Variants in TONSL observed in about 807,000 individuals in gnomAD.
TONSL encodes the protein tonsoku-like protein.
Under a neutral mutation model 147.1 loss-of-function variants are expected in TONSL, and 112 were observed. That is an observed-to-expected ratio of 0.76 (90% CI 0.65 to 0.89). The LOEUF is 0.89. Ranked by LOEUF, TONSL falls within the 40% of genes least tolerant of loss-of-function variation. The pLI is 0.00. For missense variants in TONSL, 1,883 were observed against 1,864.6 expected, an observed-to-expected ratio of 1.01 and a Z score of -0.18; for synonymous variants, 868 against 801.5, an observed-to-expected ratio of 1.08 and a Z score of -1.40.
At chr8:144,444,145 G>A (rs1823823345) in intron 2 of TONSL, 35 bp downstream of exon 2, 2 of 1,375,996 alleles carry the variant, frequency 1.5e-6, no homozygotes, top group Non-Finnish European at 9.4e-7. Flanking sequence ...CCCGGGCCCC[G>A]GCCCTGCCTC....
At chr8:144,438,247 G>A (rs1049186259) in intron 13 of TONSL, 1 of 593,332 alleles carries the variant, frequency 1.7e-6, no homozygotes, top group African/African-American at 1.9e-5. Flanking sequence ...GTGTTGCCCA[G>A]GCTGGAGTGC....
rs753489114 is a variant in TONSL, at chr8:144,442,694, C to T, written c.561G>A (p.Lys187=). 1 of 1,612,840 alleles carries T rather than the reference C, an allele frequency of 6.2e-7. No individual in the cohort carries two copies. The highest frequency in any genetic ancestry group is 1.7e-4 in the Middle Eastern group (1 of 6,058). ...GGCCTTACTCCGCAAGGAAGATGCT[C>T]TTCCTGAAGTAATCGTTGCACAGGG... ...QTALCNDYFR[K]SIFLAEQNHL... is the part of the protein sequence containing the mutation. The change falls in exon 5 of 26, where the codon AAG becomes AAA. Residue 187 remains lysine (K), a synonymous_variant. Coordinates refer to ENST00000409379, the MANE Select transcript of TONSL (RefSeq NM_013432.5).
At position 144,441,047 on chromosome 8, in the gene TONSL, G is replaced by A; in HGVS notation, c.930C>T (p.Ala310=). 1 of 1,613,016 alleles carries A rather than the reference G, an allele frequency of 6.2e-7. No homozygotes were observed. Residue 310 remains alanine (A), a synonymous_variant, in exon 8 of 26, where the codon GCC becomes GCT. Coordinates refer to ENST00000409379, the MANE Select transcript of TONSL (RefSeq NM_013432.5). The stretch of plus-strand genomic sequence containing the variant: ...CCCCTAGCTGCTCACAGATGACCAT[G>A]GCACCCTGAGGGTCTCTGCCCTCAG... The part of the protein sequence containing the change: ...EEAEGRDPQG[A]MVICEQLGDL...
In TONSL at chr8:144,440,754, C is replaced by T; in HGVS notation, c.1128G>A (p.Glu376=). ...TGCCGCTGCGCAGCCTCAGTTCCTC[C>T]TCATAGTGGCGCACGGCCCCATGGT... ...KDHHGAVRHY[E]EELRLRSGNV... The change falls in exon 9 of 26, where the codon GAG becomes GAA. Residue 376 remains glutamate (E), a synonymous_variant. Coordinates refer to ENST00000409379, the MANE Select transcript of TONSL (RefSeq NM_013432.5). 1 of 1,612,908 alleles carries T rather than the reference C, an allele frequency of 6.2e-7. No homozygotes were observed. The highest frequency in any genetic ancestry group is 8.5e-7 in the Non-Finnish European group (1 of 1,179,974).
Position 144,443,323 on chromosome 8 carries a change from T to C in TONSL, c.265-2A>G, listed in dbSNP as rs1347696189. 8 of 1,547,456 alleles carry C rather than the reference T, an allele frequency of 5.2e-6. No homozygotes were observed. Among genetic ancestry groups the C allele is most frequent in the Admixed American group, 3.9e-5 (2 of 50,956 alleles). ...CAGCTCCAGGTACTGGTGCTGGTGC[T>C]GAGTGTGGAAGGAAGTCACTGCTGT... is the stretch of plus-strand genomic sequence containing the variant. On this transcript the variant is annotated splice_acceptor_variant, in intron 3 of 25. Transcript: ENST00000409379. LOFTEE classifies it high-confidence loss of function.
At chr8:144,432,654 C>T (rs1823257923) in intron 22 of TONSL, 194 bp from the exon 23 acceptor site, 2 of 532,714 alleles carry the variant, frequency 3.8e-6, no homozygotes, top group Non-Finnish European at 6.3e-6. Context: ...GACTTCCAAG[C>T]TCGGCTGCCC....
intron 3 of TONSL, 113 bp downstream of exon 3, chr8:144,443,769 G>T: frequency 7.0e-7 from 1 of 1,426,422 alleles, no homozygotes; most frequent in Non-Finnish European, 9.4e-7. Context: ...GCTGCGTCAG[G>T]TCAGGTGTCC....
In TONSL at chr8:144,440,373, T is replaced by G; in HGVS notation, c.1268A>C (p.Gln423Pro). ...CFQKALSCAQQAQRPQLQRQV... is the reference protein window; with the variant it reads ...CFQKALSCAQPAQRPQLQRQV... ...CACCTGCAGCTGGGGACGCTGGGCCTGCTGGGCACAGCTGAGCGCTTTCTG... is the reference window on the plus strand; with the variant it reads ...CACCTGCAGCTGGGGACGCTGGGCCGGCTGGGCACAGCTGAGCGCTTTCTG... The change falls in exon 10 of 26, where the codon CAG (glutamine) becomes CCG (proline). Residue 423 changes from glutamine to proline, a missense_variant. Coordinates refer to ENST00000409379, the MANE Select transcript of TONSL (RefSeq NM_013432.5). 1 of 1,600,742 alleles carries G rather than the reference T, an allele frequency of 6.2e-7. No individual in the cohort carries two copies. The highest frequency in any genetic ancestry group is 8.5e-7 in the Non-Finnish European group (1 of 1,171,688).
In TONSL at chr8:144,433,597, C is replaced by T. The variant is rs1554879198; in HGVS notation, c.3550G>A (p.Ala1184Thr). Residue 1184 changes from alanine (A) to threonine (T), a missense_variant, in exon 22 of 26, where the codon GCT (alanine) becomes ACT (threonine). Physicochemically the swap from Ala to Thr is moderately conservative, Grantham distance 58 (BLOSUM62 0). Coordinates refer to ENST00000409379, the MANE Select transcript of TONSL (RefSeq NM_013432.5). Reference protein sequence around the residue: ...FLSHQTALGSAFQDAEHLKTL... With the variant: ...FLSHQTALGSTFQDAEHLKTL... ...TGCCTGGTCAGCTCACCTTGGAAAGCACTACCCAGTGCTGTCTGGTGGCTC... is the reference window on the plus strand; with the variant it reads ...TGCCTGGTCAGCTCACCTTGGAAAGTACTACCCAGTGCTGTCTGGTGGCTC... 1.9e-6 allele frequency: 3 copies of T among 1,613,268 alleles called. No homozygotes were observed. Among genetic ancestry groups the T allele is most frequent in the Non-Finnish European group, 2.5e-6 (3 of 1,179,926 alleles).
rs765463015 is a variant in TONSL at position 144,435,613 on chromosome 8, T to C, written c.2775+45A>G. ...CAGTGGGCTCCACCCTACACCTGCC[T>C]GCCCGGAGTGGGGAGAGGGCTCTGC... On this transcript the variant is annotated intron_variant, in intron 17 of 25. Transcript: ENST00000409379. 6 of 1,575,682 alleles carry C rather than the reference T, an allele frequency of 3.8e-6. No individual in the cohort carries two copies. In the South Asian group the frequency reaches 6.9e-5, roughly 18 times the overall value.
intron 14 of TONSL, 42 bp downstream of exon 14, chr8:144,436,985 T>C: frequency 6.2e-7 from 1 of 1,613,042 alleles, no homozygotes; most frequent in Non-Finnish European, 8.5e-7. Flanking sequence ...TCGCCCCACG[T>C]GTCCACCAAG....
Position 144,438,692 on chromosome 8 carries a change from C to T in TONSL, c.1524G>A (p.Glu508=). ...GCCGGCCCAGGTGGCCCTGAAGCTCCTCGTCCTCCTCCAGCTGCGGGGTCA... is the reference window on the plus strand; with the variant it reads ...GCCGGCCCAGGTGGCCCTGAAGCTCTTCGTCCTCCTCCAGCTGCGGGGTCA... ...DGLTPQLEED[E]ELQGHLGRRK... is the part of the protein sequence containing the mutation. The change falls in exon 12 of 26, where the codon GAG becomes GAA. Residue 508 remains glutamate, a synonymous_variant. Transcript: ENST00000409379. The T allele has an allele frequency of 6.2e-7, 1 of 1,613,314 alleles. No homozygotes were observed. Among genetic ancestry groups the T allele is most frequent in the East Asian group, 2.2e-5 (1 of 44,872 alleles).
chr8:144,434,403 G>A (rs1823347573), intron 20 of TONSL, 124 bp from the exon 21 acceptor site: 14 of 851,944 alleles, frequency 1.6e-5, no homozygotes, highest in South Asian at 4.0e-5. Context: ...TTGCTGTAGA[G>A]CCCACTCGCA....
intron 9 of TONSL, 32 bp from the exon 10 acceptor site, chr8:144,440,508 T>C (rs376251930): frequency 2.4e-5 from 37 of 1,563,326 alleles, no homozygotes; most frequent in Admixed American, 7.4e-5. Flanking sequence ...GGTCGGGGGC[T>C]GCCGCTGTCT....
chr8:144,434,398 G>A, intron 20 of TONSL, 119 bp from the exon 21 acceptor site: 5 of 902,608 alleles, frequency 5.5e-6, no homozygotes, highest in Non-Finnish European at 8.0e-6. Flanking sequence ...CAGACTTGCT[G>A]TAGAGCCCAC....
chr8:144,433,886 G>C, intron 21 of TONSL, 92 bp downstream of exon 21: 1 of 1,466,806 alleles, frequency 6.8e-7, no homozygotes, highest in African/African-American at 1.4e-5. Flanking sequence ...GCACTGGCTG[G>C]CTCTCCCAAC....
chr8:144,436,058 T>TC lies in TONSL; in HGVS notation c.2374_2375insG (p.Tyr792Ter). 1 of 1,573,826 alleles carries TC rather than the reference T, an allele frequency of 6.4e-7. No homozygotes were observed. Among genetic ancestry groups the TC allele is most frequent in the Admixed American group, 1.8e-5 (1 of 56,348 alleles). ...AATASTSRAA[Y>*]QAAIRGVGSA... is the part of the protein sequence containing the mutation. ...GCCCACACCCCGGATGGCTGCCTGGTAGGCTGCCCGGCTGGTGCTGGCTGT... is the reference window on the plus strand; with the variant it reads ...GCCCACACCCCGGATGGCTGCCTGGTCAGGCTGCCCGGCTGGTGCTGGCTGT... The change falls in exon 17 of 26, where the codon TAC (tyrosine) becomes TGAC (stop). Residue 792 changes from tyrosine (Y) to a stop codon, truncating the protein, a stop_gained and frameshift_variant. Transcript: ENST00000409379. LOFTEE classifies it high-confidence loss of function.
chr8:144,430,652 G>A, intron 24 of TONSL, 115 bp from the exon 25 acceptor site: 1 of 1,312,672 alleles, frequency 7.6e-7, no homozygotes, highest in South Asian at 1.5e-5. Flanking sequence ...AGACCCAGGG[G>A]CTCTGCCTCA....
rs943635209 is a variant in TONSL, at chr8:144,438,562, T to C, written c.1564-2A>G. 13 of 1,612,682 alleles carry C rather than the reference T, an allele frequency of 8.1e-6. No individual in the cohort carries two copies. The highest frequency in any genetic ancestry group is 1.3e-5 in the African/African-American group (1 of 74,840). On this transcript the variant is annotated splice_acceptor_variant, in intron 12 of 25. Coordinates refer to ENST00000409379, the MANE Select transcript of TONSL (RefSeq NM_013432.5). LOFTEE classifies it high-confidence loss of function. The stretch of plus-strand genomic sequence containing the variant: ...CCCCATGTCGTTTCGCCGGTTCCAC[T>C]GTGGGCACAGCCAACCCAGCACAGG...
Sources: gnomAD v4.1 joint callset for allele counts on GRCh38, gnomAD v4.1.1 for gene constraint, MANE v1.5 for transcripts, NCBI Gene and HGNC (gene_info 2026-07-23, HGNC 2026-07-21) for gene names.